CASK: variants seen among roughly 807,000 people sequenced by gnomAD.
CASK encodes the protein peripheral plasma membrane protein CASK.
CASK carries 4 observed loss-of-function variants against 82.9 expected under a neutral mutation model. That is an observed-to-expected ratio of 0.05 (90% CI 0.02 to 0.11). CASK has a LOEUF of 0.11. CASK is among the 10% of genes least tolerant of loss of function. The pLI, the probability that CASK is intolerant of heterozygous loss-of-function variation, is 1.00. For synonymous variants in CASK, 259 were observed against 253.5 expected (o/e 1.02, Z -0.20); for missense variants, 358 against 720.9 (o/e 0.50, Z 5.76).
intron 1 of CASK, among the ~76,000 whole-genome samples, chrX:41,909,933 T>C (rs1569481497): frequency 9.0e-6 from 1 of 111,600 alleles, no homozygotes; most frequent in Non-Finnish European, 1.9e-5. Context: ...AGAAGTGTTT[T>C]AGTTTGGGCC....
chrX:41,607,235 G>A (rs1283480939), intron 12 of CASK, among the ~76,000 whole-genome samples: 1 of 112,379 alleles, frequency 8.9e-6, no homozygotes, highest in Non-Finnish European at 1.9e-5. Context: ...CTTTCCTTGT[G>A]TAAGCCAGTA....
At chrX:41,869,685 C>T (rs190590156) in intron 1 of CASK, among the ~76,000 whole-genome samples, 2 of 105,527 alleles carry the variant, frequency 1.9e-5, no homozygotes, top group Admixed American at 1.0e-4. Context: ...CAGTGGCGCG[C>T]GCCTGTACTC....
intron 5 of CASK, among the ~76,000 whole-genome samples, chrX:41,684,466 T>C (rs1467302523): frequency 9.0e-6 from 1 of 111,714 alleles, no homozygotes; most frequent in Non-Finnish European, 1.9e-5. Flanking sequence ...TTAAAGTGAT[T>C]AAAGGAGACT....
chrX:41,573,788 T>G (rs1265784442), intron 15 of CASK, among the ~76,000 whole-genome samples: 1 of 112,152 alleles, frequency 8.9e-6, no homozygotes, highest in Non-Finnish European at 1.9e-5. Flanking sequence ...AATATTCTTA[T>G]GTTTTGTTCT....
chrX:41,523,577 G>A, intron 26 of CASK, among the ~76,000 whole-genome samples: 1 of 112,879 alleles, frequency 8.9e-6, no homozygotes, highest in East Asian at 2.8e-4. Flanking sequence ...GTCTGTGGCA[G>A]TTTCTGACTT....
At chrX:41,747,122 C>T (rs989765360) in intron 3 of CASK, among the ~76,000 whole-genome samples, 6 of 111,097 alleles carry the variant, frequency 5.4e-5, no homozygotes, top group South Asian at 3.9e-4. Flanking sequence ...ATTTGATTCT[C>T]GGTGTGGTTT....
At chrX:41,578,609 G>A (rs2065518859) in intron 14 of CASK, 81 bp from the exon 15 acceptor site, 15 of 757,605 alleles carry the variant, frequency 2.0e-5, no homozygotes, top group East Asian at 3.5e-5. Flanking sequence ...TTTATTTTGA[G>A]ACAGGGTCTC....
At chrX:41,577,998 C>T (rs1212276109) in intron 15 of CASK, among the ~76,000 whole-genome samples, 1 of 112,283 alleles carries the variant, frequency 8.9e-6, no homozygotes, top group Non-Finnish European at 1.9e-5. Flanking sequence ...TAGACATTCA[C>T]TTTCTCAATA....
intron 1 of CASK, among the ~76,000 whole-genome samples, chrX:41,883,712 G>A (rs2071993375): frequency 9.0e-6 from 1 of 111,521 alleles, no homozygotes. Flanking sequence ...ATAATTCATG[G>A]CTCCAAACCC....
chrX:41,893,850 T>C (rs1331647826), intron 1 of CASK, among the ~76,000 whole-genome samples: 1 of 112,509 alleles, frequency 8.9e-6, no homozygotes, highest in Non-Finnish European at 1.9e-5. Flanking sequence ...AGACAGCCTC[T>C]GTAGAATTAG....
intron 2 of CASK, among the ~76,000 whole-genome samples, chrX:41,830,700 G>C (rs535655424): frequency 2.8e-5 from 3 of 107,114 alleles, no homozygotes; most frequent in Admixed American, 2.0e-4. Context: ...GGTGCCTGTA[G>C]TCCCAGCTAC....
intron 22 of CASK, 91 bp from the exon 23 acceptor site, chrX:41,535,064 T>C (rs2064857077): frequency 3.6e-6 from 2 of 558,548 alleles, no homozygotes; most frequent in Non-Finnish European, 5.9e-6. Flanking sequence ...ACTACAGTTA[T>C]ATTAAAACCA....
chrX:41,768,610 T>C (rs2069157517), intron 3 of CASK, among the ~76,000 whole-genome samples: 1 of 111,060 alleles, frequency 9.0e-6, no homozygotes, highest in South Asian at 3.7e-4. Context: ...ACAAGCAAAA[T>C]AAAACAGGCA....
At chrX:41,836,512 A>T (rs575919342) in intron 2 of CASK, among the ~76,000 whole-genome samples, 1 of 101,709 alleles carries the variant, frequency 9.8e-6, no homozygotes, top group African/African-American at 3.4e-5. Context: ...TGATTATCTG[A>T]CAACTCAAAA....
chrX:41,659,339 T>C (rs752243924), intron 8 of CASK, among the ~76,000 whole-genome samples: 260 of 110,132 alleles, frequency 2.4e-3, no homozygotes, highest in Middle Eastern at 4.6e-3. Context: ...GCTATTCTCC[T>C]GCTTCAGCCT....
rs1409705535 is a variant in CASK at position 41,775,600 on chromosome X, G to A, written c.278+11578C>T. 5.7e-5 allele frequency among the ~76,000 whole-genome samples: 6 copies of A among 105,951 alleles called. No homozygotes were observed. In the Admixed American group the frequency reaches 6.1e-4, roughly 11 times the overall value. 92.0% of individuals were successfully genotyped at this position (105,951 alleles called of 115,157 possible). A position where few individuals can be genotyped will look rare whatever the true frequency, so the allele number is the denominator to read the frequency against. The stretch of plus-strand genomic sequence containing the variant: ...CACATGCACACGTATGTTTACTGCG[G>A]CACTATTCCCAATAGCAAAGACTCG... On this transcript the variant is annotated intron_variant, in intron 3 of 26. Coordinates refer to ENST00000378163, the MANE Select transcript of CASK (RefSeq NM_001367721.1).
chrX:41,833,302 A>G (rs1307153039), intron 2 of CASK, among the ~76,000 whole-genome samples: 3 of 112,305 alleles, frequency 2.7e-5, no homozygotes, highest in Non-Finnish European at 5.6e-5. Context: ...ATGGAATACT[A>G]TTCAGTCATA....
At chrX:41,724,217 G>T (rs2068215612) in intron 5 of CASK, 2 of 112,615 alleles carry the variant, frequency 1.8e-5, no homozygotes, top group Admixed American at 1.9e-4. Flanking sequence ...GAAGATCAGA[G>T]AATTTTAAGT....
intron 4 of CASK, among the ~76,000 whole-genome samples, chrX:41,745,034 T>A (rs1487482838): frequency 8.9e-6 from 1 of 112,087 alleles, no homozygotes; most frequent in Non-Finnish European, 1.9e-5. Flanking sequence ...TTATTTATTT[T>A]GAGACTGAGT....
Sources: allele counts gnomAD v4.1 joint callset (sites outside exome capture counted in the v4.1 genomes callset), GRCh38; gene constraint gnomAD v4.1.1; transcripts MANE v1.5; gene names NCBI Gene and HGNC (gene_info 2026-07-23, HGNC 2026-07-21).